Variants in PLAGL1 observed in about 807,000 individuals in gnomAD.
PLAGL1 encodes PLAG1 like zinc finger 1.
A neutral mutation model predicts 4.6 loss-of-function variants in PLAGL1; 1 was observed. That is an observed-to-expected ratio of 0.22 (90% confidence interval 0.08 to 1.03). PLAGL1 has a LOEUF of 1.03. Among genes scored for constraint, PLAGL1 ranks in the 50% least tolerant of loss-of-function variants. PLAGL1 has a pLI of 0.58. For missense variants in PLAGL1, 464 were observed against 570.4 expected, an observed-to-expected ratio of 0.81 and a Z score of 1.90; for synonymous variants, 240 against 237.8, an observed-to-expected ratio of 1.01 and a Z score of -0.08.
chr6:144,013,720 T>A lies in PLAGL1; in HGVS notation c.-150-44742A>T, dbSNP rs1440118487. On this transcript the variant is annotated intron_variant, in intron 1 of 3. Transcript: ENST00000437412. The surrounding 1 kb of genome is among the most constrained non-coding windows in gnomAD (Gnocchi z 4.4). ...CACAGCATGCCAATCTCTGCCTCCA[T>A]CTTCACAACGCCTTCTCTGTGCGTG... Among the ~76,000 whole-genome samples, 1 of 152,246 alleles carries A rather than the reference T, an allele frequency of 6.6e-6. No individual in the cohort carries two copies. Among genetic ancestry groups the A allele is most frequent in the Non-Finnish European group, 1.5e-5 (1 of 68,038 alleles).
chr6:143,983,357 G>A lies in PLAGL1; in HGVS notation c.-544+1778C>T, dbSNP rs1583418490. Among the ~76,000 whole-genome samples the A allele has an allele frequency of 6.6e-6, 1 of 152,246 alleles. No individual in the cohort carries two copies. The highest frequency in any genetic ancestry group is 1.9e-4 in the East Asian group (1 of 5,182). On this transcript the variant is annotated intron_variant, in intron 2 of 7. Coordinates refer to ENST00000674357, the MANE Select transcript of PLAGL1 (RefSeq NM_001317162.2). The surrounding 1 kb of genome is among the most constrained non-coding windows in gnomAD (Gnocchi z 6.6). Reference sequence around the variant, plus strand: ...TAAAAGGAAGCAGGGACATTAAATGGGGTAGTAAGTAGAGAGGAATGGGAG... The same window carrying A: ...TAAAAGGAAGCAGGGACATTAAATGAGGTAGTAAGTAGAGAGGAATGGGAG...
upstream of PLAGL1, chr6:144,008,812 TTGCAGG>T (rs1235982302): frequency 3.9e-5 from 6 of 152,212 alleles, no homozygotes; most frequent in African/African-American, 1.2e-4. The surrounding 1 kb of genome is among the most constrained non-coding windows in gnomAD (Gnocchi z 6.9). Context: ...CCTAAGCACT[TTGCAGG>T]TAAATACGTG....
chr6:144,062,068 T>C (rs1799453734), intron 1 of PLAGL1, among the ~76,000 whole-genome samples: 1 of 152,176 alleles, frequency 6.6e-6, no homozygotes. Context: ...GACAGAATGC[T>C]TAGCAAACTT....
chr6:143,988,040 CATATAAG>C (rs892145887), intron 1 of PLAGL1, among the ~76,000 whole-genome samples: 4 of 152,160 alleles, frequency 2.6e-5, no homozygotes, highest in African/African-American at 9.7e-5. Flanking sequence ...TTTTCCCATA[CATATAAG>C]ATAAAAACTG....
intron 1 of PLAGL1, among the ~76,000 whole-genome samples, chr6:144,033,041 A>T (rs1796948255): frequency 6.6e-6 from 1 of 152,222 alleles, no homozygotes. Flanking sequence ...ACTTAGCTGA[A>T]CTCAGTAGTA....
rs775113030 is a variant in PLAGL1 at position 143,960,700 on chromosome 6, T to G, written c.-398-158A>C. 2.0e-5 allele frequency: 3 copies of G among 152,198 alleles called. No individual in the cohort carries two copies. The highest frequency in any genetic ancestry group is 4.4e-5 in the Non-Finnish European group (3 of 68,030). The allele number at this position is 152,198 out of a possible 1,614,324, so 9.4% of individuals were successfully genotyped here. A position where few individuals can be genotyped will look rare whatever the true frequency, so the allele number is the denominator to read the frequency against. ...TTTCATGCATTTTAATAGATGATCT[T>G]TAAACACTCATATCCTTTGTCCTAC... On this transcript the variant is annotated intron_variant, in intron 5 of 7. Transcript: ENST00000674357. The surrounding 1 kb of genome is among the most constrained non-coding windows in gnomAD (Gnocchi z 5.7).
rs967268768 is a variant in PLAGL1 at position 144,015,620 on chromosome 6, A to G, written c.-150-46642T>C. On this transcript the variant is annotated intron_variant, in intron 1 of 3. Transcript: ENST00000437412. The surrounding 1 kb of genome is among the most constrained non-coding windows in gnomAD (Gnocchi z 4.3). Reference sequence around the variant, plus strand: ...AGACATGTGAAGGGCCAAGAAGTCCAAGAATGACATTAAACATCATTTCCC... The same window carrying G: ...AGACATGTGAAGGGCCAAGAAGTCCGAGAATGACATTAAACATCATTTCCC... Among the ~76,000 whole-genome samples the G allele has an allele frequency of 3.3e-5, 5 of 152,252 alleles. No individual in the cohort carries two copies. The highest frequency in any genetic ancestry group is 5.9e-5 in the Non-Finnish European group (4 of 68,038).
intron 1 of PLAGL1, among the ~76,000 whole-genome samples, chr6:144,047,299 G>A (rs973664211): frequency 6.6e-6 from 1 of 152,170 alleles, no homozygotes; most frequent in Admixed American, 6.5e-5. Context: ...GGGAGCTGCA[G>A]ACTACAGCTG....
In PLAGL1 at chr6:143,954,059, C is replaced by T. The variant is rs545497690; in HGVS notation, c.-324-5599G>A. On this transcript the variant is annotated intron_variant, in intron 6 of 7. Coordinates refer to ENST00000674357, the MANE Select transcript of PLAGL1 (RefSeq NM_001317162.2). The surrounding 1 kb of genome is among the most constrained non-coding windows in gnomAD (Gnocchi z 5.1). ...TCTCAGGGCAGGAGGATGGAGGAGT[C>T]TTCCCTGGGAAGCTGACCAGCCCAA... 3.3e-5 allele frequency among the ~76,000 whole-genome samples: 5 copies of T among 152,176 alleles called. No individual in the cohort carries two copies. The highest frequency in any genetic ancestry group is 5.9e-5 in the Non-Finnish European group (4 of 68,032).
intron 1 of PLAGL1, among the ~76,000 whole-genome samples, chr6:144,040,448 G>A (rs1335681113): frequency 6.6e-6 from 1 of 152,088 alleles, no homozygotes; most frequent in Non-Finnish European, 1.5e-5. Context: ...CAAATCATTT[G>A]AACCTGAGAG....
rs541929997 is a variant in PLAGL1 at position 144,046,987 on chromosome 6, G to A, written c.-151+17481C>T. On this transcript the variant is annotated intron_variant, in intron 1 of 3. Transcript: ENST00000437412. The stretch of plus-strand genomic sequence containing the variant: ...TAGCAGTGAACAAGGCTCTGTGGGC[G>A]TGGGACCCGCTGAGCCAGGAGCAGG... Among the ~76,000 whole-genome samples, 202 of 152,344 alleles carry A rather than the reference G, an allele frequency of 1.3e-3. 1 individual carries two copies. The highest frequency in any genetic ancestry group is 4.2e-3 in the African/African-American group (173 of 41,578).
In PLAGL1 at chr6:143,975,252, T is replaced by A. The variant is rs2128590638; in HGVS notation, c.-543-6274A>T. ...GTTATATTAAATAAGTCATCCTAGTTTTTGAGGCCAATGGGTTGTACCACT... is the reference window on the plus strand; with the variant it reads ...GTTATATTAAATAAGTCATCCTAGTATTTGAGGCCAATGGGTTGTACCACT... On this transcript the variant is annotated intron_variant, in intron 2 of 7. Transcript: ENST00000674357. This position sits in a 1 kb window ranked among gnomAD's most constrained non-coding sequence, Gnocchi z 5.8. 6.6e-6 allele frequency among the ~76,000 whole-genome samples: 1 copy of A among 152,334 alleles called. No individual in the cohort carries two copies. Among genetic ancestry groups the A allele is most frequent in the East Asian group, 1.9e-4 (1 of 5,186 alleles).
upstream of PLAGL1, among the ~76,000 whole-genome samples, chr6:144,009,471 T>A (rs1234981327): frequency 6.6e-6 from 1 of 152,238 alleles, no homozygotes; most frequent in Non-Finnish European, 1.5e-5. Flanking sequence ...TATTTTCAAT[T>A]CACACCTTCC....
intron 1 of PLAGL1, among the ~76,000 whole-genome samples, chr6:144,043,564 G>T (rs1420654127): frequency 1.3e-5 from 2 of 152,078 alleles, no homozygotes; most frequent in Non-Finnish European, 2.9e-5. Flanking sequence ...ATGTGCTGCT[G>T]GATTTGGTTT....
chr6:144,057,408 C>A (rs534261875), intron 1 of PLAGL1, among the ~76,000 whole-genome samples: 4 of 152,316 alleles, frequency 2.6e-5, no homozygotes, highest in African/African-American at 9.6e-5. Context: ...CCTTTCTTCT[C>A]ACCAGAGGCA....
chr6:143,941,787 T>C lies in PLAGL1; in HGVS notation c.1029A>G (p.Gln343=), dbSNP rs1047439961. 6 of 1,614,140 alleles carry C rather than the reference T, an allele frequency of 3.7e-6. No individual in the cohort carries two copies. In the African/African-American group the frequency reaches 4.0e-5, roughly 11 times the overall value. ...DLPLQEPQSP[Q]KLNPGFDLAK... ...CCAGATCAAAACCTGGGTTGAGCTT[T>C]TGAGGTGACTGAGGCTCTTGCAGAG... The change falls in exon 8 of 8, where the codon CAA becomes CAG. Residue 343 remains glutamine (Q), a synonymous_variant. Coordinates refer to ENST00000674357, the MANE Select transcript of PLAGL1 (RefSeq NM_001317162.2). This position sits in a 1 kb window ranked among gnomAD's most constrained non-coding sequence, Gnocchi z 6.0.
At position 144,015,683 on chromosome 6, in the gene PLAGL1, G is replaced by A. The variant is rs73006291; in HGVS notation, c.-150-46705C>T. Among the ~76,000 whole-genome samples, 36,366 of 152,064 alleles carry A rather than the reference G, an allele frequency of 0.24. 4,550 individuals are homozygous for A. Among genetic ancestry groups the A allele is most frequent in the Admixed American group, 0.35 (5,302 of 15,282 alleles). The stretch of plus-strand genomic sequence containing the variant: ...CAAATCAAAACTACAGTGAAATACC[G>A]CTACATACCCACTGGAAAGGCTAAA... On this transcript the variant is annotated intron_variant, in intron 1 of 3. Transcript: ENST00000437412. This position sits in a 1 kb window ranked among gnomAD's most constrained non-coding sequence, Gnocchi z 4.3.
chr6:143,946,210 G>A (rs1420892864), intron 7 of PLAGL1, among the ~76,000 whole-genome samples: 1 of 152,202 alleles, frequency 6.6e-6, no homozygotes, highest in African/African-American at 2.4e-5. Flanking sequence ...AAATATTTGT[G>A]TATAAGCGGA....
Position 143,941,647 on chromosome 6 carries a change from G to A in PLAGL1, c.1169C>T (p.Pro390Leu), listed in dbSNP as rs1454277636. The A allele has an allele frequency of 1.2e-6, 2 of 1,614,036 alleles. No homozygotes were observed. Among genetic ancestry groups the A allele is most frequent in the Non-Finnish European group, 1.7e-6 (2 of 1,180,026 alleles). ...AAAGGTATTTTGGGTAGCAGGAGGGGGCAGCTGCCAGAAGCCCAACAGGGG... is the reference window on the plus strand; with the variant it reads ...AAAGGTATTTTGGGTAGCAGGAGGGAGCAGCTGCCAGAAGCCCAACAGGGG... ...LSPLLGFWQL[P>L]PPATQNTFGN... The change falls in exon 8 of 8, where the codon CCC becomes CTC. Residue 390 changes from proline (P) to leucine (L), a missense_variant. This residue lies in a region of PLAGL1 where 248 missense variants were observed against 250.1 expected (regional missense o/e 0.99). Transcript: ENST00000674357. This position sits in a 1 kb window ranked among gnomAD's most constrained non-coding sequence, Gnocchi z 6.0.
Sources: allele counts gnomAD v4.1 joint callset (sites outside exome capture counted in the v4.1 genomes callset), GRCh38; gene constraint gnomAD v4.1.1; regional missense constraint gnomAD v4.1.1; non-coding constraint Gnocchi (gnomAD v3.1); transcripts MANE v1.5; gene names NCBI Gene and HGNC (gene_info 2026-07-23, HGNC 2026-07-21).